Variants in PLCB1 observed in about 807,000 individuals in gnomAD.
PLCB1 encodes the protein phospholipase C beta 1.
A neutral mutation model predicts 161.8 loss-of-function variants in PLCB1; 46 were observed. That is an observed-to-expected ratio of 0.28 (90% CI 0.22 to 0.36). The LOEUF (loss-of-function observed/expected upper bound fraction) is 0.36, where lower values mean the gene tolerates loss of function less well. Ranked by LOEUF, PLCB1 falls within the 10% of genes least tolerant of loss-of-function variation. The pLI is 1.00. For synonymous variants in PLCB1, 517 were observed against 503.7 expected, an observed-to-expected ratio of 1.03 and a Z score of -0.35; for missense variants, 1,016 against 1,472.5, an observed-to-expected ratio of 0.69 and a Z score of 5.07.
intron 31 of PLCB1, among the ~76,000 whole-genome samples, chr20:8,821,407 G>A (rs1985354118): frequency 6.8e-6 from 1 of 147,492 alleles, no homozygotes; most frequent in South Asian, 2.2e-4. Flanking sequence ...GAACCTGGGA[G>A]GCGGAGGTTG....
At chr20:8,864,389 C>T (rs1987355696) in intron 31 of PLCB1, among the ~76,000 whole-genome samples, 1 of 152,140 alleles carries the variant, frequency 6.6e-6, no homozygotes, top group African/African-American at 2.4e-5. Flanking sequence ...TATAATTTTA[C>T]ATATCTCAGC....
intron 2 of PLCB1, among the ~76,000 whole-genome samples, chr20:8,266,291 A>G (rs1981952464): frequency 6.6e-6 from 1 of 152,106 alleles, no homozygotes; most frequent in African/African-American, 2.4e-5. Context: ...TGTTGGTTTC[A>G]TTTGACTTGG....
chr20:8,368,032 TG>T (rs1430171213), intron 2 of PLCB1, among the ~76,000 whole-genome samples: 2 of 152,154 alleles, frequency 1.3e-5, no homozygotes, highest in Non-Finnish European at 2.9e-5. Flanking sequence ...TGCACACAGT[TG>T]GCGTTAACTA....
Position 8,552,288 on chromosome 20 carries a change from G to A in PLCB1, c.247-76006G>A, listed in dbSNP as rs200378210. 3.3e-5 allele frequency among the ~76,000 whole-genome samples: 5 copies of A among 152,070 alleles called. No homozygotes were observed. In the East Asian group the frequency reaches 5.8e-4, roughly 18 times the overall value. On this transcript the variant is annotated intron_variant, in intron 3 of 31. Transcript: ENST00000338037. The stretch of plus-strand genomic sequence containing the variant: ...GGTGCCCACCAGACCCAGATGTAAC[G>A]TACAGCTTTTCCTTGGACAGTATAG...
At chr20:8,833,082 A>G (rs1389663987) in intron 31 of PLCB1, among the ~76,000 whole-genome samples, 4 of 152,202 alleles carry the variant, frequency 2.6e-5, no homozygotes, top group Admixed American at 2.6e-4. Flanking sequence ...AGGATTTTGC[A>G]ATGAGGAGAT....
At chr20:8,480,946 A>C (rs1204023970) in intron 3 of PLCB1, among the ~76,000 whole-genome samples, 1 of 152,184 alleles carries the variant, frequency 6.6e-6, no homozygotes, top group Non-Finnish European at 1.5e-5. Context: ...TTTACCAAAA[A>C]TACAAAAATT....
intron 1 of PLCB1, among the ~76,000 whole-genome samples, chr20:8,143,052 G>A (rs538875571): frequency 4.0e-4 from 61 of 152,218 alleles, no homozygotes; most frequent in African/African-American, 1.3e-3. Context: ...GTCTATATGA[G>A]TTTCCCCTCA....
chr20:8,451,179 A>G (rs930852093), intron 3 of PLCB1, among the ~76,000 whole-genome samples: 21 of 152,312 alleles, frequency 1.4e-4, no homozygotes, highest in African/African-American at 4.8e-4. Context: ...AGCTATGCCT[A>G]TATATGTCCA....
intron 24 of PLCB1, among the ~76,000 whole-genome samples, chr20:8,759,914 T>TTTTTTTTA (rs1410573407): frequency 3.5e-5 from 5 of 144,150 alleles, no homozygotes; most frequent in African/African-American, 1.3e-4. Flanking sequence ...TTTTTTTTTT[T>TTTTTTTTA]TTTTGGAGAC....
intron 11 of PLCB1, among the ~76,000 whole-genome samples, chr20:8,702,413 A>T (rs1476669402): frequency 1.3e-5 from 2 of 152,216 alleles, no homozygotes; most frequent in Non-Finnish European, 2.9e-5. Context: ...TATAAGATGG[A>T]AAACTGGATA....
intron 3 of PLCB1, among the ~76,000 whole-genome samples, chr20:8,554,093 A>G (rs973398992): frequency 1.2e-4 from 18 of 151,960 alleles, no homozygotes; most frequent in Admixed American, 3.9e-4. Flanking sequence ...AAAAAAAAAA[A>G]ACAGTAGTAA....
chr20:8,161,917 C>T (rs2123052175), intron 2 of PLCB1, among the ~76,000 whole-genome samples: 1 of 152,128 alleles, frequency 6.6e-6, no homozygotes, highest in African/African-American at 2.4e-5. Flanking sequence ...GCCTTTCCTG[C>T]CTGTGACGTG....
intron 31 of PLCB1, among the ~76,000 whole-genome samples, chr20:8,841,643 ATAT>A (rs1223251035): frequency 6.6e-6 from 1 of 150,954 alleles, no homozygotes; most frequent in Admixed American, 6.6e-5. Context: ...CTCCTGACTT[ATAT>A]CTCCACTCTT....
chr20:8,354,156 A>T (rs1313091778), intron 2 of PLCB1, among the ~76,000 whole-genome samples: 1 of 152,118 alleles, frequency 6.6e-6, no homozygotes, highest in Admixed American at 6.6e-5. Flanking sequence ...CCTGAGATTT[A>T]TGGTGGTGAT....
intron 31 of PLCB1, among the ~76,000 whole-genome samples, chr20:8,798,489 G>A (rs1169906151): frequency 1.3e-5 from 2 of 152,132 alleles, no homozygotes; most frequent in Non-Finnish European, 2.9e-5. Flanking sequence ...AGGCAGGCAG[G>A]AAAGGAAAAT....
At chr20:8,475,543 TCA>T (rs1231105273) in intron 3 of PLCB1, among the ~76,000 whole-genome samples, 108 of 152,312 alleles carry the variant, frequency 7.1e-4, no homozygotes, top group African/African-American at 2.5e-3. Flanking sequence ...GTGTTCGGAG[TCA>T]CACAGCTGGT....
intron 1 of PLCB1, among the ~76,000 whole-genome samples, chr20:8,143,016 A>G (rs1462705793): frequency 1.3e-5 from 2 of 152,078 alleles, no homozygotes; most frequent in Non-Finnish European, 2.9e-5. Context: ...TTATTATCTG[A>G]CACCACTCCC....
At chr20:8,575,825 A>G (rs1302550884) in intron 3 of PLCB1, among the ~76,000 whole-genome samples, 3 of 152,354 alleles carry the variant, frequency 2.0e-5, no homozygotes, top group Non-Finnish European at 2.9e-5. Flanking sequence ...ATTGTGGTCT[A>G]TGCTACTTCT....
chr20:8,167,080 T>C (rs2051683474), intron 2 of PLCB1, among the ~76,000 whole-genome samples: 1 of 152,170 alleles, frequency 6.6e-6, no homozygotes, highest in Non-Finnish European at 1.5e-5. Flanking sequence ...ATGGTGTAAA[T>C]ACTGTAGTGT....
Sources: gnomAD v4.1 joint callset for allele counts (sites outside exome capture counted in the v4.1 genomes callset) on GRCh38, gnomAD v4.1.1 for gene constraint, MANE v1.5 for transcripts, NCBI Gene and HGNC (gene_info 2026-07-23, HGNC 2026-07-21) for gene names.